Variants in FABP12 observed in about 807,000 individuals in gnomAD.
FABP12 encodes fatty acid-binding protein 12.
A neutral mutation model predicts 13.7 loss-of-function variants in FABP12; 19 were observed. The observed-to-expected ratio is 1.39, with a 90% CI of 0.97 to 2.04. FABP12 has a LOEUF of 2.04. FABP12 is among the 30% of genes most tolerant of loss of function. The pLI is 0.00. For synonymous variants in FABP12, 61 were observed against 57.0 expected (o/e 1.07, Z -0.32); for missense variants, 182 against 164.2 (o/e 1.11, Z -0.59).
chr8:81,587,048 G>A (rs1474353406), intron 1 of FABP12, among the ~76,000 whole-genome samples: 1 of 152,128 alleles, frequency 6.6e-6, no homozygotes, highest in African/African-American at 2.4e-5. Flanking sequence ...GTTGAACAGG[G>A]AGCCCTTTCC....
chr8:81,539,054 G>A (rs1348226210), intron 2 of FABP12, among the ~76,000 whole-genome samples: 1 of 151,978 alleles, frequency 6.6e-6, no homozygotes, highest in Non-Finnish European at 1.5e-5. Flanking sequence ...ATGCCATGTT[G>A]GCCAGGCTGG....
chr8:81,569,971 T>C (rs945530328), intron 1 of FABP12, among the ~76,000 whole-genome samples: 1 of 152,218 alleles, frequency 6.6e-6, no homozygotes, highest in Non-Finnish European at 1.5e-5. Flanking sequence ...GTCTCCAAGA[T>C]AGACTGGAGT....
chr8:81,545,064 A>T (rs1408538787), intron 1 of FABP12, among the ~76,000 whole-genome samples: 2 of 152,126 alleles, frequency 1.3e-5, no homozygotes, highest in African/African-American at 2.4e-5. Context: ...CTTGTTGCCC[A>T]GGCTGGAGTG....
At chr8:81,579,168 A>C (rs969931553) in intron 1 of FABP12, among the ~76,000 whole-genome samples, 2 of 151,964 alleles carry the variant, frequency 1.3e-5, no homozygotes, top group African/African-American at 4.8e-5. Flanking sequence ...TTTCATTATA[A>C]GGAAGTAAAT....
intron 2 of FABP12, among the ~76,000 whole-genome samples, chr8:81,530,982 AT>A (rs768452538): frequency 6.6e-6 from 1 of 152,152 alleles, no homozygotes; most frequent in Non-Finnish European, 1.5e-5. Flanking sequence ...AAATAGTTGT[AT>A]TTTTTTGTTT....
At chr8:81,584,456 C>T (rs1411239320) in intron 1 of FABP12, among the ~76,000 whole-genome samples, 2 of 152,194 alleles carry the variant, frequency 1.3e-5, no homozygotes, top group South Asian at 4.2e-4. Context: ...ACAGCAGATA[C>T]CTACAGTTTT....
At chr8:81,551,655 A>G (rs1809526031) in intron 1 of FABP12, among the ~76,000 whole-genome samples, 1 of 152,190 alleles carries the variant, frequency 6.6e-6, no homozygotes, top group Non-Finnish European at 1.5e-5. Flanking sequence ...CACTTAAACC[A>G]AAACAAAAAT....
chr8:81,525,678 T>C (rs1808882918), intron 4 of FABP12, among the ~76,000 whole-genome samples: 1 of 152,208 alleles, frequency 6.6e-6, no homozygotes, highest in Non-Finnish European at 1.5e-5. Flanking sequence ...ATTTCGGGTA[T>C]ATATAATGTT....
intron 1 of FABP12, among the ~76,000 whole-genome samples, chr8:81,587,420 T>C (rs917894383): frequency 1.3e-5 from 2 of 152,194 alleles, no homozygotes; most frequent in Admixed American, 1.3e-4. Context: ...TTCCTATCCA[T>C]GAGCATGGAA....
At chr8:81,578,822 A>T (rs1462099401) in intron 1 of FABP12, among the ~76,000 whole-genome samples, 10 of 13,290 alleles carry the variant, frequency 7.5e-4, no homozygotes, top group Non-Finnish European at 4.6e-4. Flanking sequence ...CATTTGTTCA[A>T]GTTTTTTTTT....
intron 1 of FABP12, among the ~76,000 whole-genome samples, chr8:81,552,409 T>C (rs1809536216): frequency 6.6e-6 from 1 of 152,092 alleles, no homozygotes; most frequent in Non-Finnish European, 1.5e-5. Context: ...AGAGATTAAA[T>C]GGTACCCTAG....
chr8:81,531,322 T>C (rs751702025), exon 2 of FABP12: 1 of 1,587,518 alleles, frequency 6.3e-7, no homozygotes, highest in Non-Finnish European at 8.6e-7. Flanking sequence ...TCATTCTGTC[T>C]GAGATAAGTT....
At chr8:81,561,018 C>T (rs191378972) in intron 1 of FABP12, among the ~76,000 whole-genome samples, 1 of 152,180 alleles carries the variant, frequency 6.6e-6, no homozygotes, top group Non-Finnish European at 1.5e-5. Flanking sequence ...ACTTCTCATC[C>T]CACTCTATGT....
chr8:81,535,414 A>G (rs544756019), upstream of FABP12, among the ~76,000 whole-genome samples: 2 of 152,144 alleles, frequency 1.3e-5, no homozygotes, highest in African/African-American at 4.8e-5. Flanking sequence ...CCCCACTATA[A>G]TAATTCTTGT....
At chr8:81,541,776 T>A (rs73692932) in intron 1 of FABP12, among the ~76,000 whole-genome samples, 9,165 of 152,036 alleles carry the variant, frequency 0.06, 352 homozygotes, top group East Asian at 0.16. Flanking sequence ...ATTGTTACTA[T>A]AACCTCAGAT....
At chr8:81,564,504 A>G (rs1809782352) in intron 1 of FABP12, among the ~76,000 whole-genome samples, 1 of 152,100 alleles carries the variant, frequency 6.6e-6, no homozygotes, top group Non-Finnish European at 1.5e-5. Context: ...CAATACAATA[A>G]GATACAAATA....
rs149615332 is a variant in FABP12, at chr8:81,580,669, A to G, written c.-185+9384T>C. On this transcript the variant is annotated intron_variant, in intron 1 of 5. Transcript: ENST00000692030. ...CATCAGAATCCAGATGTTGGCCACA[A>G]TCTAGTCTCTTGGAGTTTCCCATTG... is the stretch of plus-strand genomic sequence containing the variant. Among the ~76,000 whole-genome samples, 95 of 152,268 alleles carry G rather than the reference A, an allele frequency of 6.2e-4. 1 individual carries two copies. The highest frequency in any genetic ancestry group is 6.8e-3 in the Middle Eastern group (2 of 294).
chr8:81,534,943 A>AT (rs888316904), upstream of FABP12, among the ~76,000 whole-genome samples: 1 of 147,542 alleles, frequency 6.8e-6, no homozygotes, highest in African/African-American at 2.6e-5. Context: ...AACTCAAAAA[A>AT]TTAAAAAAAA....
chr8:81,537,807 C>T (rs1193969624), upstream of FABP12, among the ~76,000 whole-genome samples: 1 of 152,142 alleles, frequency 6.6e-6, no homozygotes, highest in Admixed American at 6.6e-5. Context: ...TGGGATGAGG[C>T]ACGTGGTCTT....
Sources: allele counts gnomAD v4.1 joint callset (sites outside exome capture counted in the v4.1 genomes callset), GRCh38; gene constraint gnomAD v4.1.1; transcripts MANE v1.5; gene names NCBI Gene and HGNC (gene_info 2026-07-23, HGNC 2026-07-21).